Variants in MTUS2 observed in about 807,000 individuals in gnomAD.
MTUS2 encodes microtubule-associated tumor suppressor candidate 2.
Under a neutral mutation model 114.1 loss-of-function variants are expected in MTUS2, and 40 were observed. That is an observed-to-expected ratio of 0.35 (90% confidence interval 0.27 to 0.46). The LOEUF is 0.46. Ranked by LOEUF, MTUS2 falls within the 20% of genes least tolerant of loss-of-function variation. The probability of loss-of-function intolerance (pLI) is 1.00; values close to 1 mark genes in which losing one functional copy is unlikely to be tolerated. For synonymous variants in MTUS2, 688 were observed against 672.0 expected, an observed-to-expected ratio of 1.02 and a Z score of -0.37; for missense variants, 1,679 against 1,705.4, an observed-to-expected ratio of 0.98 and a Z score of 0.27.
At chr13:29,102,900 A>G (rs1043925171) in intron 5 of MTUS2, among the ~76,000 whole-genome samples, 2 of 152,194 alleles carry the variant, frequency 1.3e-5, no homozygotes, top group Admixed American at 6.5e-5. Flanking sequence ...AACTTCTCAT[A>G]TGGTATATAT....
At chr13:29,101,746 G>A (rs1440371066) in intron 5 of MTUS2, among the ~76,000 whole-genome samples, 1 of 152,138 alleles carries the variant, frequency 6.6e-6, no homozygotes, top group Non-Finnish European at 1.5e-5. Flanking sequence ...AGTCTTAGAG[G>A]TTTCCACGTA....
intron 5 of MTUS2, among the ~76,000 whole-genome samples, chr13:29,210,864 T>G (rs4769005): frequency 0.84 from 127,239 of 152,092 alleles, 53,452 homozygotes; most frequent in African/African-American, 0.91. Flanking sequence ...AGAGTCCTTG[T>G]TTGTAGTTTT....
At chr13:29,130,972 C>T (rs1414328541) in intron 5 of MTUS2, among the ~76,000 whole-genome samples, 1 of 152,222 alleles carries the variant, frequency 6.6e-6, no homozygotes, top group Non-Finnish European at 1.5e-5. Context: ...TCTCCCTCTG[C>T]TCCAGGAAGG....
chr13:29,282,355 C>G (rs1338492529), intron 6 of MTUS2, among the ~76,000 whole-genome samples: 2 of 152,240 alleles, frequency 1.3e-5, no homozygotes, highest in Non-Finnish European at 2.9e-5. Flanking sequence ...AGGGTTGGCT[C>G]TAGAGCCACA....
At chr13:29,215,474 GTTTTTTTTTT>G (rs71090232) in intron 5 of MTUS2, among the ~76,000 whole-genome samples, 1 of 130,090 alleles carries the variant, frequency 7.7e-6, no homozygotes, top group Non-Finnish European at 1.6e-5. Context: ...TTTTTTTGCT[GTTTTTTTTTT>G]TTTTTTTTTT....
At chr13:28,998,514 A>G (rs899659353) in intron 2 of MTUS2, among the ~76,000 whole-genome samples, 2 of 152,208 alleles carry the variant, frequency 1.3e-5, no homozygotes, top group Non-Finnish European at 2.9e-5. Flanking sequence ...TCTGCCCGTC[A>G]CTTTCAGGTA....
chr13:29,243,404 C>T (rs1896800434), intron 5 of MTUS2, among the ~76,000 whole-genome samples: 1 of 152,146 alleles, frequency 6.6e-6, no homozygotes, highest in African/African-American at 2.4e-5. Context: ...GCATAAAGAC[C>T]CAGGAAGATG....
intron 5 of MTUS2, among the ~76,000 whole-genome samples, chr13:29,168,432 CTT>C (rs1229129033): frequency 6.6e-6 from 1 of 152,174 alleles, no homozygotes; most frequent in African/African-American, 2.4e-5. Flanking sequence ...AGTCAGTGTT[CTT>C]TTGTGAATTA....
intron 1 of MTUS2, among the ~76,000 whole-genome samples, chr13:28,833,280 T>TACAGTTTTGTA (rs1305517585): frequency 6.6e-6 from 1 of 152,152 alleles, no homozygotes; most frequent in Admixed American, 6.5e-5. Context: ...ATCGCTGTTA[T>TACAGTTTTGTA]TCTGTATGAA....
chr13:28,933,145 ACACACAC>A (rs1337529643), intron 2 of MTUS2, among the ~76,000 whole-genome samples: 18 of 150,696 alleles, frequency 1.2e-4, no homozygotes, highest in Non-Finnish European at 2.4e-4. Flanking sequence ...ACACACACAC[ACACACAC>A]ACACACACAC....
intron 8 of MTUS2, among the ~76,000 whole-genome samples, chr13:29,438,056 A>C (rs1467048529): frequency 6.6e-6 from 1 of 152,202 alleles, no homozygotes; most frequent in Non-Finnish European, 1.5e-5. Flanking sequence ...TTGCAAATGA[A>C]ATAAAAGGAA....
intron 5 of MTUS2, among the ~76,000 whole-genome samples, chr13:29,221,548 A>G (rs116478980): frequency 6.6e-6 from 1 of 152,040 alleles, no homozygotes; most frequent in African/African-American, 2.4e-5. Flanking sequence ...CCACATTTCT[A>G]TTTGGGTTTT....
intron 2 of MTUS2, among the ~76,000 whole-genome samples, chr13:28,908,147 T>G (rs903403771): frequency 6.6e-6 from 1 of 151,638 alleles, no homozygotes; most frequent in African/African-American, 2.4e-5. Context: ...TCTTTCTTTG[T>G]TTTTTTATTA....
At chr13:28,979,245 A>G (rs1243713423) in intron 2 of MTUS2, among the ~76,000 whole-genome samples, 1 of 152,216 alleles carries the variant, frequency 6.6e-6, no homozygotes, top group Non-Finnish European at 1.5e-5. Context: ...GAGAGGTCTG[A>G]CTTCCATGGC....
chr13:29,227,592 G>C (rs1198987452), intron 5 of MTUS2, among the ~76,000 whole-genome samples: 1 of 152,208 alleles, frequency 6.6e-6, no homozygotes, highest in Non-Finnish European at 1.5e-5. Context: ...GGGTTTTCTG[G>C]TGCTACATGG....
intron 5 of MTUS2, among the ~76,000 whole-genome samples, chr13:29,155,868 T>G (rs1214495610): frequency 1.3e-5 from 2 of 152,092 alleles, no homozygotes; most frequent in East Asian, 3.9e-4. Flanking sequence ...TGCTTGTTCC[T>G]GCTTAATGTT....
chr13:29,181,607 G>T lies in MTUS2; in HGVS notation c.2644+80637G>T, dbSNP rs73166466. ...GGATTTAGCAGTTTTGAAGAGATTT[G>T]TTTAATATATATGATTAATGGATCA... On this transcript the variant is annotated intron_variant, in intron 5 of 15. Transcript: ENST00000612955. Among the ~76,000 whole-genome samples the T allele has an allele frequency of 9.4e-3, 1,425 of 152,202 alleles. 10 individuals carry two copies. The highest frequency in any genetic ancestry group is 0.014 in the Non-Finnish European group (938 of 68,006).
At position 29,025,543 on chromosome 13, in the gene MTUS2, C is replaced by T. The variant is rs754098765; in HGVS notation, c.845C>T (p.Pro282Leu). 3.1e-6 allele frequency: 5 copies of T among 1,613,922 alleles called. No homozygotes were observed. The highest frequency in any genetic ancestry group is 1.3e-5 in the African/African-American group (1 of 75,060). The change falls in exon 3 of 16, where the codon CCT (proline) becomes CTT (leucine). Residue 282 changes from proline to leucine, a missense_variant. Coordinates refer to ENST00000612955, the MANE Select transcript of MTUS2 (RefSeq NM_001033602.4). ...EHTSHSAHPE[P>L]ALNLTLASKE... is the part of the protein sequence containing the mutation. ...ACATCACATTCCGCCCATCCAGAGC[C>T]TGCTCTGAATTTGACTTTGGCATCG...
chr13:29,434,157 C>A (rs1384134314), intron 8 of MTUS2, among the ~76,000 whole-genome samples: 4 of 152,142 alleles, frequency 2.6e-5, no homozygotes, highest in African/African-American at 9.7e-5. Flanking sequence ...GAAGAAGGAG[C>A]TGATGAAAAT....
Sources: allele counts gnomAD v4.1 joint callset (sites outside exome capture counted in the v4.1 genomes callset), GRCh38; gene constraint gnomAD v4.1.1; transcripts MANE v1.5; gene names NCBI Gene and HGNC (gene_info 2026-07-23, HGNC 2026-07-21).